PRSS41: variants seen among roughly 807,000 people sequenced by gnomAD.
PRSS41 encodes the protein serine protease 41.
PRSS41 carries 37 observed loss-of-function variants against 28.8 expected under a neutral mutation model. The ratio of observed to expected loss-of-function variants is 1.29; its 90% CI spans 0.99 to 1.69. The LOEUF is 1.69. PRSS41 is among the 40% of genes most tolerant of loss of function. The pLI, the probability that PRSS41 is intolerant of heterozygous loss-of-function variation, is 0.00. For missense variants in PRSS41, 431 were observed against 400.7 expected, an observed-to-expected ratio of 1.08 and a Z score of -0.65; for synonymous variants, 195 against 163.1, an observed-to-expected ratio of 1.20 and a Z score of -1.49.
At chr16:2,804,363 G>A (rs1482385751) in intron 4 of PRSS41, 26 bp from the exon 5 acceptor site, 1 of 1,550,148 alleles carries the variant, frequency 6.5e-7, no homozygotes, top group Non-Finnish European at 8.7e-7. Context: ...GGTGAAGGGT[G>A]CTGTCCTTTT....
chr16:2,799,089 C>T, exon 3 of PRSS41: 1 of 1,532,806 alleles, frequency 6.5e-7, no homozygotes, highest in Non-Finnish European at 8.7e-7. Context: ...TGCTCAGCCG[C>T]CGCTGGGTGC....
chr16:2,798,651 A>G, exon 2 of PRSS41: 2 of 1,483,736 alleles, frequency 1.3e-6, no homozygotes, highest in Non-Finnish European at 8.9e-7. Flanking sequence ...CAGGAGGAGG[A>G]GCTGTTGTCA....
chr16:2,802,635 C>T (rs1274474082), intron 4 of PRSS41, among the ~76,000 whole-genome samples: 1 of 152,252 alleles, frequency 6.6e-6, no homozygotes. Context: ...ATCCCGGCAC[C>T]TCGGGAGGCC....
chr16:2,799,279 C>A lies in PRSS41; in HGVS notation c.258-7C>A. 1 of 1,551,166 alleles carries A rather than the reference C, an allele frequency of 6.4e-7. No homozygotes were observed. The highest frequency in any genetic ancestry group is 2.4e-5 in the East Asian group (1 of 40,910). Reference sequence around the variant, plus strand: ...AAGGCTCCCCGCCCTCTCTCCTTTTCTGCTAGGCACTACTATCCCTCCGAG... The same window carrying A: ...AAGGCTCCCCGCCCTCTCTCCTTTTATGCTAGGCACTACTATCCCTCCGAG... On this transcript the variant is annotated splice_region_variant and splice_polypyrimidine_tract_variant and intron_variant, in intron 3 of 5. Coordinates refer to ENST00000399677, the Ensembl canonical transcript of PRSS41.
intron 4 of PRSS41, among the ~76,000 whole-genome samples, chr16:2,803,309 C>T (rs2069001580): frequency 6.6e-6 from 1 of 151,932 alleles, no homozygotes; most frequent in African/African-American, 2.4e-5. Flanking sequence ...TGATTCCCTT[C>T]TCATTTCCTT....
chr16:2,799,010 C>A (rs1381448474), exon 3 of PRSS41: 2 of 1,528,296 alleles, frequency 1.3e-6, no homozygotes, highest in Admixed American at 2.0e-5. Flanking sequence ...GGAGTGGAGT[C>A]CGCGCGCGGG....
Position 2,803,223 on chromosome 16 carries a change from C to A in PRSS41, c.542-1166C>A, listed in dbSNP as rs2069001187. On this transcript the variant is annotated intron_variant, in intron 4 of 5. Transcript: ENST00000399677. ...TTTTAGATCTCATCATATCTTTTTT[C>A]CATGCTGATATTTTTTATTTCTTTT... Among the ~76,000 whole-genome samples the A allele has an allele frequency of 3.9e-5, 6 of 152,102 alleles. No individual in the cohort carries two copies. In the South Asian group the frequency reaches 1.2e-3, roughly 32 times the overall value.
In PRSS41 at chr16:2,799,631, CCT is replaced by C. The variant is rs373279264; in HGVS notation, c.541+63_541+64del. The C allele has an allele frequency of 2.7e-4, 399 of 1,491,482 alleles. No individual in the cohort carries two copies. The African/African-American group carries it at 3.8e-3, about 14-fold the overall frequency. 92.4% of individuals were successfully genotyped at this position (1,491,482 alleles called of 1,614,324 possible). A position where few individuals can be genotyped will look rare whatever the true frequency, so the allele number is the denominator to read the frequency against. On this transcript the variant is annotated intron_variant, in intron 4 of 5. Transcript: ENST00000399677. Reference sequence around the variant, plus strand: ...TGCGGGGTGAGCATTACCCTCTACCCCTGTTCCCGCTACACAAGCACAGCAGC... The same window carrying C: ...TGCGGGGTGAGCATTACCCTCTACCCGTTCCCGCTACACAAGCACAGCAGC...
chr16:2,799,664 C>T lies in PRSS41; in HGVS notation c.541+95C>T, dbSNP rs1039099271. The T allele has an allele frequency of 9.6e-6, 13 of 1,350,468 alleles. No individual in the cohort carries two copies. In the African/African-American group the frequency reaches 1.9e-4, roughly 19 times the overall value. 83.7% of individuals were successfully genotyped at this position (1,350,468 alleles called of 1,614,324 possible). On this transcript the variant is annotated intron_variant, in intron 4 of 5. Transcript: ENST00000399677. ...CGCTACACAAGCACAGCAGCCCCCT[C>T]CTTGGTCTGGGGCTGCAACCTGCGC... is the stretch of plus-strand genomic sequence containing the variant.
chr16:2,804,288 G>A, intron 4 of PRSS41, 101 bp from the exon 5 acceptor site: 6 of 1,302,934 alleles, frequency 4.6e-6, no homozygotes, highest in Non-Finnish European at 4.2e-6. Flanking sequence ...GTGTGTCAGG[G>A]ACCTTCTCCC....
exon 3 of PRSS41, chr16:2,799,088 G>A: frequency 6.5e-7 from 1 of 1,532,292 alleles, no homozygotes; most frequent in Non-Finnish European, 8.7e-7. Context: ...CTGCTCAGCC[G>A]CCGCTGGGTG....
chr16:2,799,175 T>C, intron 3 of PRSS41, 51 bp downstream of exon 3: 2 of 1,506,130 alleles, frequency 1.3e-6, no homozygotes, highest in Non-Finnish European at 1.8e-6. Flanking sequence ...GCCTCCAGGA[T>C]GAGCAAACAG....
rs1454872718 is a variant in PRSS41, at chr16:2,805,055, A to C, written c.841A>C (p.Arg281=). 6 of 1,553,212 alleles carry C rather than the reference A, an allele frequency of 3.9e-6. No individual in the cohort carries two copies. In the Admixed American group the frequency reaches 9.8e-5, roughly 25 times the overall value. ...CAGTGTGTACTTCCACTGGATCCGG[A>C]GGGTGATGTCCCACAGTACACCCAG... The change falls in exon 6 of 6, where the codon AGG becomes CGG. Residue 281 remains arginine, a synonymous_variant. Coordinates refer to ENST00000399677, the Ensembl canonical transcript of PRSS41.
Position 2,799,535 on chromosome 16 carries a change from G to A in PRSS41, c.507G>A (p.Trp169Ter). The A allele has an allele frequency of 6.4e-7, 1 of 1,551,802 alleles. No homozygotes were observed. Among genetic ancestry groups the A allele is most frequent in the Non-Finnish European group, 8.7e-7 (1 of 1,147,034 alleles). Reference sequence around the variant, plus strand: ...ACTTCGTGCACCGGCCGGACTGCTGGGTGACCGGCTGGGGGTTAATCAGCC... The same window carrying A: ...ACTTCGTGCACCGGCCGGACTGCTGAGTGACCGGCTGGGGGTTAATCAGCC... The change falls in exon 4 of 6, where the codon TGG becomes TGA. Residue 169 changes from tryptophan to a stop codon, truncating the protein, a stop_gained. Transcript: ENST00000399677. LOFTEE classifies it high-confidence loss of function.
At chr16:2,802,202 CAG>C (rs2068992779) in intron 4 of PRSS41, among the ~76,000 whole-genome samples, 2 of 149,930 alleles carry the variant, frequency 1.3e-5, no homozygotes, top group Non-Finnish European at 3.0e-5. Context: ...ACCTCCCAGA[CAG>C]GGTCGCGGCC....
At chr16:2,802,062 G>A (rs1222823498) in intron 4 of PRSS41, among the ~76,000 whole-genome samples, 8 of 146,848 alleles carry the variant, frequency 5.4e-5, no homozygotes, top group Admixed American at 5.1e-4. Context: ...GCTGCCGGGC[G>A]GAGATGCTCC....
chr16:2,798,886 C>T, intron 2 of PRSS41, 73 bp from the exon 3 acceptor site: 1 of 1,435,330 alleles, frequency 7.0e-7, no homozygotes, highest in Non-Finnish European at 9.1e-7. Flanking sequence ...CACCCCGGGG[C>T]AAAGCCGGGC....
chr16:2,801,066 T>C (rs2068982562), intron 4 of PRSS41, among the ~76,000 whole-genome samples: 1 of 152,200 alleles, frequency 6.6e-6, no homozygotes, highest in South Asian at 2.1e-4. Flanking sequence ...CTCGAACTCC[T>C]GACCTCAGGT....
At chr16:2,799,037 C>G (rs966595852) in exon 3 of PRSS41, 1 of 1,532,550 alleles carries the variant, frequency 6.5e-7, no homozygotes, top group African/African-American at 1.4e-5. Flanking sequence ...CCATGGCAGG[C>G]CAGCCTGCGC....
Sources: allele counts gnomAD v4.1 joint callset (sites outside exome capture counted in the v4.1 genomes callset), GRCh38; gene constraint gnomAD v4.1.1; transcripts MANE v1.5; gene names NCBI Gene and HGNC (gene_info 2026-07-23, HGNC 2026-07-21).